The following PRKN variants were observed in gnomAD, a reference collection of about 807,000 sequenced individuals.
The protein encoded by PRKN is parkin RBR E3 ubiquitin protein ligase, also known as E3 ubiquitin-protein ligase parkin.
PRKN carries 56 observed loss-of-function variants against 59.5 expected under a neutral mutation model. The ratio of observed to expected loss-of-function variants is 0.94; its 90% CI spans 0.76 to 1.18. PRKN has a LOEUF of 1.18. PRKN is among the 50% of genes most tolerant of loss of function. PRKN has a pLI of 0.00. For synonymous variants in PRKN, 250 were observed against 222.1 expected, an observed-to-expected ratio of 1.13 and a Z score of -1.12; for missense variants, 657 against 596.4, an observed-to-expected ratio of 1.10 and a Z score of -1.06.
At chr6:162,227,694 G>A (rs1203945531) in intron 3 of PRKN, among the ~76,000 whole-genome samples, 1 of 152,116 alleles carries the variant, frequency 6.6e-6, no homozygotes, top group Admixed American at 6.5e-5. Flanking sequence ...GAAAAACATA[G>A]TAGGGAAAAA....
At chr6:161,783,604 G>C (rs1266243217) in intron 7 of PRKN, 2 of 491,318 alleles carry the variant, frequency 4.1e-6, no homozygotes, top group East Asian at 1.1e-4. Context: ...TAACTAAAAA[G>C]ATAGAGTGTG....
At chr6:162,332,922 A>AT (rs1783652087) in intron 2 of PRKN, among the ~76,000 whole-genome samples, 1 of 151,924 alleles carries the variant, frequency 6.6e-6, no homozygotes, top group African/African-American at 2.4e-5. Flanking sequence ...TTTCTATGAA[A>AT]TTTTTTCCTT....
At chr6:162,388,149 T>C (rs1786951646) in intron 2 of PRKN, among the ~76,000 whole-genome samples, 1 of 152,130 alleles carries the variant, frequency 6.6e-6, no homozygotes, top group African/African-American at 2.4e-5. Flanking sequence ...GGGCTGGCCC[T>C]GGGGACTGCA....
chr6:161,506,227 G>A (rs10806747), intron 9 of PRKN, among the ~76,000 whole-genome samples: 118,815 of 151,064 alleles, frequency 0.79, 46,966 homozygotes, highest in Middle Eastern at 0.86. Context: ...AGTTCTCCTT[G>A]AAGAGGTCCT....
intron 6 of PRKN, among the ~76,000 whole-genome samples, chr6:161,893,249 G>A (rs1014522626): frequency 6.6e-6 from 1 of 152,190 alleles, no homozygotes; most frequent in Non-Finnish European, 1.5e-5. Flanking sequence ...CAAAGGTATA[G>A]ATAATCCCAG....
At chr6:162,120,740 A>C (rs1780877555) in intron 4 of PRKN, among the ~76,000 whole-genome samples, 2 of 152,204 alleles carry the variant, frequency 1.3e-5, no homozygotes, top group South Asian at 4.1e-4. Flanking sequence ...AACCAGAGCC[A>C]GGAGGCTTCT....
chr6:162,580,055 T>C (rs577881494), intron 1 of PRKN, among the ~76,000 whole-genome samples: 3 of 152,284 alleles, frequency 2.0e-5, no homozygotes, highest in African/African-American at 7.2e-5. Context: ...GTCCCATAGA[T>C]GTGAAGTGGG....
chr6:162,344,624 G>GC (rs67615398), intron 2 of PRKN, among the ~76,000 whole-genome samples: 1,343 of 81,522 alleles, frequency 0.016, 14 homozygotes, highest in African/African-American at 0.062. Context: ...TCTTTATGAT[G>GC]CCCCCTGCCC....
chr6:162,529,987 G>A (rs541171818), intron 1 of PRKN, among the ~76,000 whole-genome samples: 2 of 152,072 alleles, frequency 1.3e-5, no homozygotes, highest in African/African-American at 2.4e-5. Context: ...AAAATTAGCC[G>A]GGCGTGATGG....
At chr6:162,230,713 C>G (rs1778384769) in intron 3 of PRKN, among the ~76,000 whole-genome samples, 1 of 152,186 alleles carries the variant, frequency 6.6e-6, no homozygotes, top group Non-Finnish European at 1.5e-5. Context: ...GAATCCCATT[C>G]TTGCTTTGCT....
chr6:161,519,029 T>G (rs1045035729), intron 9 of PRKN, among the ~76,000 whole-genome samples: 10 of 152,100 alleles, frequency 6.6e-5, no homozygotes, highest in Non-Finnish European at 1.3e-4. Context: ...GCATAGACAT[T>G]TATAGCGCAA....
At chr6:162,284,215 CTTTTTTTTTTTTT>C (rs35609309) in intron 2 of PRKN, among the ~76,000 whole-genome samples, 1 of 75,672 alleles carries the variant, frequency 1.3e-5, no homozygotes, top group Non-Finnish European at 2.5e-5. Flanking sequence ...TTATTTCTTT[CTTTTTTTTTTTTT>C]TTTTTTTTTT....
intron 2 of PRKN, among the ~76,000 whole-genome samples, chr6:162,345,863 G>A (rs1314140765): frequency 2.6e-5 from 4 of 152,098 alleles, no homozygotes; most frequent in African/African-American, 7.2e-5. Flanking sequence ...TCATATGTTG[G>A]AAACTTAATC....
At chr6:161,665,149 C>T (rs1269704030) in intron 7 of PRKN, among the ~76,000 whole-genome samples, 1 of 152,002 alleles carries the variant, frequency 6.6e-6, no homozygotes, top group Non-Finnish European at 1.5e-5. Context: ...AACCAATGAA[C>T]ATTCTTATTT....
intron 4 of PRKN, among the ~76,000 whole-genome samples, chr6:162,138,460 A>C (rs907625060): frequency 2.0e-5 from 3 of 152,208 alleles, no homozygotes; most frequent in African/African-American, 7.2e-5. Context: ...ACAGAATGCT[A>C]CAAAATCCAC....
chr6:162,650,853 A>G (rs1197426484), intron 1 of PRKN, among the ~76,000 whole-genome samples: 1 of 152,134 alleles, frequency 6.6e-6, no homozygotes, highest in Non-Finnish European at 1.5e-5. Context: ...CTGTGGGAGG[A>G]AGGATGAGGT....
At chr6:162,673,844 A>G (rs772365040) in intron 1 of PRKN, among the ~76,000 whole-genome samples, 5 of 152,222 alleles carry the variant, frequency 3.3e-5, no homozygotes, top group Non-Finnish European at 5.9e-5. Context: ...GCAGGACTGC[A>G]AGTGTGGCGG....
At chr6:162,007,883 C>G (rs1782322318) in intron 5 of PRKN, among the ~76,000 whole-genome samples, 1 of 152,102 alleles carries the variant, frequency 6.6e-6, no homozygotes, top group African/African-American at 2.4e-5. Context: ...CAACCAGGTG[C>G]TCTATTTACA....
At chr6:162,132,450 C>T (rs140841074) in intron 4 of PRKN, among the ~76,000 whole-genome samples, 208 of 152,162 alleles carry the variant, frequency 1.4e-3, no homozygotes, top group African/African-American at 4.7e-3. Flanking sequence ...ATTAGCATGA[C>T]CTTGGGTATA....
Sources: gnomAD v4.1 joint callset for allele counts (sites outside exome capture counted in the v4.1 genomes callset) on GRCh38, gnomAD v4.1.1 for gene constraint, MANE v1.5 for transcripts, NCBI Gene and HGNC (gene_info 2026-07-23, HGNC 2026-07-21) for gene names.